Variants in HCFC2 observed in about 807,000 individuals in gnomAD.
The protein encoded by HCFC2 is host cell factor C2, also known as host cell factor 2.
HCFC2 carries 18 observed loss-of-function variants against 89.2 expected under a neutral mutation model. The ratio of observed to expected loss-of-function variants is 0.20; its 90% CI spans 0.14 to 0.30. HCFC2 has a LOEUF of 0.30. HCFC2 is among the 10% of genes least tolerant of loss of function. HCFC2 has a pLI of 1.00. For missense variants in HCFC2, 578 were observed against 956.1 expected (o/e 0.60, Z 5.21); for synonymous variants, 308 against 335.7 (o/e 0.92, Z 0.90).
chr12:104,094,229 A>G (rs948166179), intron 10 of HCFC2, among the ~76,000 whole-genome samples: 1 of 152,214 alleles, frequency 6.6e-6, no homozygotes, highest in African/African-American at 2.4e-5. Context: ...TCTAGAAGGC[A>G]GTACTAGGCT....
chr12:104,086,190 G>T (rs1883837672), intron 7 of HCFC2, among the ~76,000 whole-genome samples: 1 of 151,970 alleles, frequency 6.6e-6, no homozygotes, highest in Non-Finnish European at 1.5e-5. Context: ...TAGAGATGGG[G>T]TTTCACCATG....
At chr12:104,073,110 C>G (rs117837007) in intron 3 of HCFC2, among the ~76,000 whole-genome samples, 7,065 of 148,294 alleles carry the variant, frequency 0.048, 186 homozygotes, top group South Asian at 0.11. Context: ...CTTAGGAGTT[C>G]TTTACATATA....
At chr12:104,086,581 G>T (rs553488408) in intron 7 of HCFC2, among the ~76,000 whole-genome samples, 1 of 150,318 alleles carries the variant, frequency 6.7e-6, no homozygotes, top group Non-Finnish European at 1.5e-5. Context: ...TGGTAGTTTC[G>T]TACTGGATTG....
intron 9 of HCFC2, among the ~76,000 whole-genome samples, chr12:104,091,383 G>A (rs1013266572): frequency 1.3e-5 from 2 of 152,182 alleles, no homozygotes; most frequent in African/African-American, 4.8e-5. Context: ...GGGCCCTGGG[G>A]CACAAATGGG....
intron 1 of HCFC2, chr12:104,065,069 A>G (rs1348924941): frequency 9.5e-6 from 2 of 210,926 alleles, no homozygotes; most frequent in African/African-American, 4.6e-5. Context: ...CCTCTGTCAA[A>G]AAACAAAACC....
At chr12:104,088,582 T>C (rs1313591366) in intron 9 of HCFC2, among the ~76,000 whole-genome samples, 1 of 152,214 alleles carries the variant, frequency 6.6e-6, no homozygotes, top group East Asian at 1.9e-4. Flanking sequence ...CTTACTAAGA[T>C]TCATTATTTT....
intron 1 of HCFC2, among the ~76,000 whole-genome samples, chr12:104,065,783 A>AT: frequency 6.6e-6 from 1 of 152,066 alleles, no homozygotes; most frequent in East Asian, 1.9e-4. Flanking sequence ...AAGCCTCACA[A>AT]TTTTCAGTTG....
At chr12:104,093,071 C>T (rs1178979130) in intron 9 of HCFC2, among the ~76,000 whole-genome samples, 1 of 152,110 alleles carries the variant, frequency 6.6e-6, no homozygotes, top group African/African-American at 2.4e-5. Flanking sequence ...TTTGTTCTCT[C>T]CTGTGTTATA....
intron 3 of HCFC2, among the ~76,000 whole-genome samples, chr12:104,071,820 CATT>C (rs1393726402): frequency 6.6e-5 from 10 of 152,162 alleles, no homozygotes; most frequent in African/African-American, 2.2e-4. Context: ...GGCTAATATT[CATT>C]ATTGTCTGTC....
chr12:104,074,836 G>T (rs563832874), intron 3 of HCFC2, among the ~76,000 whole-genome samples: 57 of 152,220 alleles, frequency 3.7e-4, no homozygotes, highest in African/African-American at 1.3e-3. Context: ...GTTATGTTCT[G>T]AGGTCATGGA....
In HCFC2 at chr12:104,098,308, A is replaced by G. The variant is rs754958198; in HGVS notation, c.1741-35A>G. ...CTTGAAATTTTTCGTATATTCAATA[A>G]GAGTCTTCATAAATTTTTTTTTCTC... On this transcript the variant is annotated intron_variant, in intron 12 of 14. Transcript: ENST00000229330. 9 of 1,564,142 alleles carry G rather than the reference A, an allele frequency of 5.8e-6. No individual in the cohort carries two copies. The Admixed American group carries it at 6.0e-5, about 10-fold the overall frequency.
chr12:104,071,215 C>A lies in HCFC2; in HGVS notation c.473+3108C>A, dbSNP rs1200944389. On this transcript the variant is annotated intron_variant, in intron 3 of 14. Transcript: ENST00000229330. The stretch of plus-strand genomic sequence containing the variant: ...CAGAAAGTGTACAGTATTCTTTCAA[C>A]AGCACTATCCCCCAACATAGGCAAA... Among the ~76,000 whole-genome samples the A allele has an allele frequency of 3.3e-5, 5 of 152,206 alleles. 1 individual carries two copies. The highest frequency in any genetic ancestry group is 2.6e-4 in the Admixed American group (4 of 15,284).
Position 104,098,381 on chromosome 12 carries a change from G to A in HCFC2, c.1779G>A (p.Ala593=), listed in dbSNP as rs143793521. 61 of 1,610,538 alleles carry A rather than the reference G, an allele frequency of 3.8e-5. No individual in the cohort carries two copies. The highest frequency in any genetic ancestry group is 5.0e-5 in the Admixed American group (3 of 59,416). The change falls in exon 13 of 15, where the codon GCG becomes GCA. Residue 593 remains alanine, a synonymous_variant. Coordinates refer to ENST00000229330, the MANE Select transcript of HCFC2 (RefSeq NM_013320.3). ...CAAATCCAGTGGCCACAGTGAAAGC[G>A]GGAGAACGACAATGGTGTGATGTGG... ...TPSNPVATVK[A]GERQWCDVGI...
intron 3 of HCFC2, among the ~76,000 whole-genome samples, chr12:104,072,879 C>T (rs536474971): frequency 1.8e-4 from 28 of 151,884 alleles, no homozygotes; most frequent in Non-Finnish European, 3.7e-4. Flanking sequence ...CTCCTGACCT[C>T]GTGATCCGCC....
intron 3 of HCFC2, among the ~76,000 whole-genome samples, chr12:104,077,957 C>T (rs1475811020): frequency 6.6e-6 from 1 of 151,884 alleles, no homozygotes; most frequent in South Asian, 2.1e-4. Context: ...AAATTACTAC[C>T]ATTTCTCTTA....
intron 3 of HCFC2, among the ~76,000 whole-genome samples, chr12:104,074,388 G>A (rs1020194426): frequency 6.6e-6 from 1 of 151,994 alleles, no homozygotes; most frequent in Admixed American, 6.6e-5. Flanking sequence ...TTGAACTCTT[G>A]GGCTCAAGTG....
At chr12:104,102,675 G>A (rs1423645456) in intron 14 of HCFC2, among the ~76,000 whole-genome samples, 1 of 152,102 alleles carries the variant, frequency 6.6e-6, no homozygotes, top group Non-Finnish European at 1.5e-5. Context: ...TTATCCTAAT[G>A]TCCTGTCCCT....
chr12:104,080,503 A>C (rs959568952), intron 4 of HCFC2: 8 of 293,636 alleles, frequency 2.7e-5, no homozygotes, highest in Non-Finnish European at 4.5e-5. Flanking sequence ...GTCTGTGGTT[A>C]GTTGAATCCA....
Position 104,075,199 on chromosome 12 carries a change from A to AT in HCFC2, c.474-4246_474-4245insT, listed in dbSNP as rs1291740607. ...ATGAGCCCCTGTCTGTGAAAATAAA[A>AT]AAAAAAAATTATTTATTTAAAAATG... On this transcript the variant is annotated intron_variant, in intron 3 of 14. Coordinates refer to ENST00000229330, the MANE Select transcript of HCFC2 (RefSeq NM_013320.3). Among the ~76,000 whole-genome samples the AT allele has an allele frequency of 3.3e-5, 5 of 151,498 alleles. No individual in the cohort carries two copies. In the East Asian group the frequency reaches 5.8e-4, roughly 18 times the overall value.
Sources: allele counts gnomAD v4.1 joint callset (sites outside exome capture counted in the v4.1 genomes callset), GRCh38; gene constraint gnomAD v4.1.1; transcripts MANE v1.5; gene names NCBI Gene and HGNC (gene_info 2026-07-23, HGNC 2026-07-21).